Variants in NAV3 observed in about 807,000 individuals in gnomAD.
The protein encoded by NAV3 is neuron navigator 3.
A neutral mutation model predicts 244.7 loss-of-function variants in NAV3; 87 were observed. The ratio of observed to expected loss-of-function variants is 0.36; its 90% CI spans 0.30 to 0.42. The LOEUF (loss-of-function observed/expected upper bound fraction) is 0.42, where lower values mean the gene tolerates loss of function less well. Ranked by LOEUF, NAV3 falls within the 20% of genes least tolerant of loss-of-function variation. The pLI is 1.00. For synonymous variants in NAV3, 1,126 were observed against 1,042.2 expected (o/e 1.08, Z -1.55); for missense variants, 2,663 against 2,893.3 (o/e 0.92, Z 1.83).
intron 12 of NAV3, among the ~76,000 whole-genome samples, chr12:78,095,071 A>G (rs1288622382): frequency 2.1e-5 from 3 of 145,700 alleles, no homozygotes; most frequent in African/African-American, 7.5e-5. Context: ...ATATACACAC[A>G]CACACACACA....
chr12:77,975,005 A>G (rs1868281295), intron 5 of NAV3, among the ~76,000 whole-genome samples: 1 of 99,086 alleles, frequency 1.0e-5, no homozygotes. Context: ...TTCTCTAATC[A>G]AGTCTGCCCA....
At chr12:78,036,296 C>G (rs571848549) in intron 9 of NAV3, 2 of 152,568 alleles carry the variant, frequency 1.3e-5, no homozygotes, top group African/African-American at 4.8e-5. Flanking sequence ...GAGGCTTGTG[C>G]AGGGCTGGGC....
chr12:78,055,323 G>A lies in NAV3; in HGVS notation c.2517-3673G>A, dbSNP rs537190950. On this transcript the variant is annotated intron_variant, in intron 11 of 39. Transcript: ENST00000397909. The stretch of plus-strand genomic sequence containing the variant: ...TCTTAAACAGATAGTTGTTTTAAAC[G>A]TTTTTTAACAACTGAATTCTGCATA... 3.3e-5 allele frequency among the ~76,000 whole-genome samples: 5 copies of A among 152,052 alleles called. No homozygotes were observed. The East Asian group carries it at 5.8e-4, about 18-fold the overall frequency.
At chr12:77,976,211 A>G (rs1234406381) in intron 5 of NAV3, among the ~76,000 whole-genome samples, 1 of 152,156 alleles carries the variant, frequency 6.6e-6, no homozygotes, top group Non-Finnish European at 1.5e-5. Flanking sequence ...TATATATGAG[A>G]TATATCCAAA....
intron 1 of NAV3, among the ~76,000 whole-genome samples, chr12:77,872,885 C>A (rs991002861): frequency 1.3e-5 from 2 of 152,074 alleles, no homozygotes; most frequent in African/African-American, 4.8e-5. Flanking sequence ...TTTTTACAAA[C>A]CTTTATCCCT....
chr12:77,695,296 A>C (rs1875244056), intron 2 of NAV3, among the ~76,000 whole-genome samples: 1 of 152,106 alleles, frequency 6.6e-6, no homozygotes, highest in Non-Finnish European at 1.5e-5. Context: ...TTAGATTTAA[A>C]TCTTTAATCA....
intron 12 of NAV3, among the ~76,000 whole-genome samples, chr12:78,114,448 C>T (rs2853473): frequency 0.74 from 112,437 of 152,076 alleles, 41,796 homozygotes; most frequent in Non-Finnish European, 0.78. Context: ...TTCAGCATGG[C>T]TGGCAAGGCC....
intron 3 of NAV3, among the ~76,000 whole-genome samples, chr12:77,961,964 T>C (rs1892066640): frequency 6.6e-6 from 1 of 152,106 alleles, no homozygotes; most frequent in Admixed American, 6.6e-5. Flanking sequence ...TGAGCACCTT[T>C]CATGAATTTA....
In NAV3 at chr12:78,142,534, A is replaced by G. The variant is rs558935324; in HGVS notation, c.4683+2200A>G. ...GATTGGATAGTGCAAGTTTATAGAGAACACAAGGGGTACATTTGTAGATAG... is the reference window on the plus strand; with the variant it reads ...GATTGGATAGTGCAAGTTTATAGAGGACACAAGGGGTACATTTGTAGATAG... On this transcript the variant is annotated intron_variant, in intron 20 of 39. Transcript: ENST00000397909. 3.9e-5 allele frequency among the ~76,000 whole-genome samples: 6 copies of G among 151,900 alleles called. No individual in the cohort carries two copies. The East Asian group carries it at 1.2e-3, about 29-fold the overall frequency.
At chr12:77,905,486 G>GTC (rs956486550) in intron 1 of NAV3, among the ~76,000 whole-genome samples, 1 of 152,060 alleles carries the variant, frequency 6.6e-6, no homozygotes, top group Non-Finnish European at 1.5e-5. Flanking sequence ...TGAGAATCCA[G>GTC]AGACTTAGTG....
At chr12:78,141,927 T>C (rs1956632830) in intron 20 of NAV3, among the ~76,000 whole-genome samples, 1 of 152,032 alleles carries the variant, frequency 6.6e-6, no homozygotes, top group Non-Finnish European at 1.5e-5. Flanking sequence ...ATACATACAA[T>C]AATTAATATT....
chr12:77,782,769 T>C (rs1471341820), intron 2 of NAV3, among the ~76,000 whole-genome samples: 1 of 152,238 alleles, frequency 6.6e-6, no homozygotes, highest in African/African-American at 2.4e-5. Context: ...TATCCATATG[T>C]AATGGGAAAA....
chr12:78,162,319 A>G (rs990763196), intron 23 of NAV3, among the ~76,000 whole-genome samples: 9 of 152,062 alleles, frequency 5.9e-5, no homozygotes, highest in African/African-American at 1.7e-4. Flanking sequence ...TCATTTGTCT[A>G]TTTAGTCATT....
At chr12:77,643,637 A>G (rs1196089197) in intron 2 of NAV3, among the ~76,000 whole-genome samples, 1 of 151,796 alleles carries the variant, frequency 6.6e-6, no homozygotes, top group Non-Finnish European at 1.5e-5. Flanking sequence ...ATATTATAAA[A>G]TCTAATTATT....
chr12:77,796,410 T>A lies in NAV3; in HGVS notation c.73-143909T>A, dbSNP rs193278369. On this transcript the variant is annotated intron_variant, in intron 2 of 8. Coordinates refer to the NAV3 transcript ENST00000550042. Reference sequence around the variant, plus strand: ...GATAAAACATAAACAGATAAGGAGTTGCTACTTACAGATGAGGAAAGAAAT... The same window carrying A: ...GATAAAACATAAACAGATAAGGAGTAGCTACTTACAGATGAGGAAAGAAAT... Among the ~76,000 whole-genome samples, 13 of 152,288 alleles carry A rather than the reference T, an allele frequency of 8.5e-5. No homozygotes were observed. In the East Asian group the frequency reaches 2.5e-3, roughly 29 times the overall value.
intron 2 of NAV3, among the ~76,000 whole-genome samples, chr12:77,811,056 A>G (rs1341797092): frequency 6.6e-6 from 1 of 152,246 alleles, no homozygotes; most frequent in Non-Finnish European, 1.5e-5. Context: ...TCCTCAAACA[A>G]TGACAAAATA....
intron 2 of NAV3, among the ~76,000 whole-genome samples, chr12:77,772,446 T>C (rs1398481997): frequency 1.3e-5 from 2 of 152,220 alleles, no homozygotes; most frequent in Admixed American, 6.5e-5. Context: ...TGAATATATA[T>C]CTTTTTATAA....
chr12:77,600,735 A>G (rs1870390818), intron 2 of NAV3, among the ~76,000 whole-genome samples: 8 of 151,944 alleles, frequency 5.3e-5, no homozygotes, highest in Admixed American at 5.3e-4. Context: ...GGTACAGCAG[A>G]TTCATCCCAG....
At chr12:78,064,429 GCC>G (rs1566082251) in intron 12 of NAV3, among the ~76,000 whole-genome samples, 4,235 of 121,828 alleles carry the variant, frequency 0.035, 90 homozygotes, top group East Asian at 0.1. Flanking sequence ...CTGTCTGTCT[GCC>G]TGCCTGCCTG....
Sources: gnomAD v4.1 joint callset for allele counts (sites outside exome capture counted in the v4.1 genomes callset) on GRCh38, gnomAD v4.1.1 for gene constraint, MANE v1.5 for transcripts, NCBI Gene and HGNC (gene_info 2026-07-23, HGNC 2026-07-21) for gene names.